KYNU: variants seen among roughly 807,000 people sequenced by gnomAD.
KYNU encodes kynureninase.
Under a neutral mutation model 59.2 loss-of-function variants are expected in KYNU, and 54 were observed. The ratio of observed to expected loss-of-function variants is 0.91; its 90% confidence interval spans 0.73 to 1.14. The LOEUF is 1.14. KYNU is among the 50% of genes most tolerant of loss of function. The pLI is 0.00. For missense variants in KYNU, 567 were observed against 554.4 expected (o/e 1.02, Z -0.23); for synonymous variants, 177 against 192.0 (o/e 0.92, Z 0.65).
At chr2:142,962,006 C>T (rs1282967760) in intron 8 of KYNU, among the ~76,000 whole-genome samples, 3 of 152,154 alleles carry the variant, frequency 2.0e-5, no homozygotes, top group South Asian at 4.1e-4. Context: ...ACAACGACTT[C>T]CAACTGCTTT....
rs931353450 is a variant in KYNU, at chr2:143,043,555, T to C, written c.*1383T>C. 3.3e-5 allele frequency: 5 copies of C among 151,740 alleles called. No homozygotes were observed. Among genetic ancestry groups the C allele is most frequent in the Non-Finnish European group, 5.9e-5 (4 of 67,910 alleles). 9.4% of individuals were successfully genotyped at this position (151,740 alleles called of 1,614,324 possible). ...CAATACCAGTAACTACTGATATTTA[T>C]CATGTACTTACCATGTACCATGTAT... On this transcript the variant is annotated 3_prime_UTR_variant, in exon 14 of 14. Transcript: ENST00000264170.
chr2:143,033,563 T>C (rs1367552006), intron 12 of KYNU, among the ~76,000 whole-genome samples: 1 of 152,244 alleles, frequency 6.6e-6, no homozygotes, highest in African/African-American at 2.4e-5. Flanking sequence ...AAATATTAAA[T>C]GGAACTCTTT....
At chr2:142,994,892 A>G (rs1337329577) in intron 10 of KYNU, among the ~76,000 whole-genome samples, 2 of 152,094 alleles carry the variant, frequency 1.3e-5, no homozygotes, top group Admixed American at 6.6e-5. Context: ...TATGATTTGC[A>G]AAATACTGTC....
At chr2:142,922,699 T>C (rs963299018) in intron 3 of KYNU, among the ~76,000 whole-genome samples, 6 of 152,274 alleles carry the variant, frequency 3.9e-5, no homozygotes, top group African/African-American at 7.2e-5. Context: ...CACCTAAGTA[T>C]TGAATAAATG....
At chr2:142,888,858 G>T (rs765471821) in intron 2 of KYNU, among the ~76,000 whole-genome samples, 4 of 148,696 alleles carry the variant, frequency 2.7e-5, no homozygotes, top group Non-Finnish European at 4.4e-5. Context: ...ATACTTGAAC[G>T]TGTATCTAGT....
intron 10 of KYNU, among the ~76,000 whole-genome samples, chr2:143,017,448 T>C (rs1174204065): frequency 7.1e-6 from 1 of 140,672 alleles, no homozygotes; most frequent in East Asian, 2.0e-4. Flanking sequence ...TTTTTTTTTT[T>C]TTTTTTTTTT....
chr2:142,967,768 A>G (rs1039790743), intron 8 of KYNU, among the ~76,000 whole-genome samples: 2 of 152,148 alleles, frequency 1.3e-5, no homozygotes, highest in African/African-American at 2.4e-5. Flanking sequence ...CTTGGCCGTG[A>G]TGCTTTTAGT....
chr2:142,997,505 C>A (rs1157415029), intron 10 of KYNU, among the ~76,000 whole-genome samples: 1 of 152,080 alleles, frequency 6.6e-6, no homozygotes, highest in African/African-American at 2.4e-5. Context: ...AATTATATTT[C>A]ATTTTAAGTT....
chr2:142,894,608 C>T (rs913836249), intron 2 of KYNU, among the ~76,000 whole-genome samples: 1 of 152,052 alleles, frequency 6.6e-6, no homozygotes, highest in African/African-American at 2.4e-5. Flanking sequence ...TAGGGTTAAC[C>T]AGTTTTTCTG....
rs142012738 is a variant in KYNU, at chr2:142,946,945, T to A, written c.374-7865T>A. ...CTTGCTGCAGATTCTCCATCAGCAC[T>A]TAACTGTTTCACCTTGTACTTTTTG... On this transcript the variant is annotated intron_variant, in intron 4 of 13. Coordinates refer to ENST00000264170, the MANE Select transcript of KYNU (RefSeq NM_003937.3). Among the ~76,000 whole-genome samples, 849 of 152,354 alleles carry A rather than the reference T, an allele frequency of 5.6e-3. 4 individuals carry two copies. Among genetic ancestry groups the A allele is most frequent in the African/African-American group, 0.02 (814 of 41,580 alleles).
At chr2:142,968,610 A>G (rs1170694930) in intron 8 of KYNU, among the ~76,000 whole-genome samples, 1 of 152,166 alleles carries the variant, frequency 6.6e-6, no homozygotes, top group Non-Finnish European at 1.5e-5. Context: ...GTATCTTTGC[A>G]AGAATTTGAA....
At chr2:143,030,247 G>C (rs1686701580) in intron 11 of KYNU, among the ~76,000 whole-genome samples, 1 of 152,032 alleles carries the variant, frequency 6.6e-6, no homozygotes, top group South Asian at 2.1e-4. Context: ...TTCCTTTTGT[G>C]GCTTTTGCCA....
At chr2:143,017,090 A>G (rs1263008291) in intron 10 of KYNU, among the ~76,000 whole-genome samples, 1 of 152,162 alleles carries the variant, frequency 6.6e-6, no homozygotes, top group African/African-American at 2.4e-5. Context: ...TTCATTCCTT[A>G]TTATGACTGT....
At chr2:142,955,814 C>A (rs1684143261) in intron 5 of KYNU, among the ~76,000 whole-genome samples, 2 of 152,128 alleles carry the variant, frequency 1.3e-5, no homozygotes, top group East Asian at 3.9e-4. Flanking sequence ...CATACATAGA[C>A]CATAATATTT....
rs1039943885 is a variant in KYNU at position 142,985,895 on chromosome 2, G to T, written c.829-53G>T. On this transcript the variant is annotated intron_variant, in intron 9 of 13. Transcript: ENST00000264170. ...AAAATTCAAATGACTACATTGTTTA[G>T]TTTTGTCATATATTTAAGTAAACCC... The T allele has an allele frequency of 6.5e-6, 8 of 1,224,734 alleles. No individual in the cohort carries two copies. In the East Asian group the frequency reaches 1.7e-4, roughly 26 times the overall value. The allele number at this position is 1,224,734 out of a possible 1,614,324, so 75.9% of individuals were successfully genotyped here. A position where few individuals can be genotyped will look rare whatever the true frequency, so the allele number is the denominator to read the frequency against.
At chr2:142,964,599 G>A (rs1382579823) in intron 8 of KYNU, 1 of 152,116 alleles carries the variant, frequency 6.6e-6, no homozygotes, top group Non-Finnish European at 1.5e-5. Flanking sequence ...GCTTGTTCAA[G>A]TGTCTTGCCC....
chr2:142,932,162 G>T (rs558509103), intron 4 of KYNU, among the ~76,000 whole-genome samples: 2 of 152,308 alleles, frequency 1.3e-5, no homozygotes, highest in South Asian at 4.1e-4. Context: ...GGCTGGAAAG[G>T]TGAGGACAAG....
At chr2:143,012,154 C>T (rs527480073) in intron 10 of KYNU, among the ~76,000 whole-genome samples, 38 of 151,782 alleles carry the variant, frequency 2.5e-4, no homozygotes, top group African/African-American at 8.2e-4. Flanking sequence ...ATGTTTCCTG[C>T]GACAAAGGAG....
intron 10 of KYNU, among the ~76,000 whole-genome samples, chr2:143,021,736 G>A (rs1302383015): frequency 6.6e-6 from 1 of 152,018 alleles, no homozygotes; most frequent in Non-Finnish European, 1.5e-5. Context: ...CCATCCCCAT[G>A]GTCCAATCAA....
Sources: allele counts gnomAD v4.1 joint callset (sites outside exome capture counted in the v4.1 genomes callset), GRCh38; gene constraint gnomAD v4.1.1; transcripts MANE v1.5; gene names NCBI Gene and HGNC (gene_info 2026-07-23, HGNC 2026-07-21).